The following HNRNPUL2 variants were observed in gnomAD, a reference collection of about 807,000 sequenced individuals.
The protein encoded by HNRNPUL2 is heterogeneous nuclear ribonucleoprotein U-like protein 2.
HNRNPUL2 carries 27 observed loss-of-function variants against 102.2 expected under a neutral mutation model. That is an observed-to-expected ratio of 0.26 (90% CI 0.19 to 0.36). HNRNPUL2 has a LOEUF of 0.36. Among genes scored for constraint, HNRNPUL2 ranks in the 10% least tolerant of loss-of-function variants. The probability of loss-of-function intolerance (pLI) is 1.00; values close to 1 mark genes in which losing one functional copy is unlikely to be tolerated. For missense variants in HNRNPUL2, 936 were observed against 981.1 expected, an observed-to-expected ratio of 0.95 and a Z score of 0.61; for synonymous variants, 458 against 387.2, an observed-to-expected ratio of 1.18 and a Z score of -2.15.
In HNRNPUL2 at chr11:62,712,754, T is replaced by C. The variant is rs2083629349; in HGVS notation, c.*2545A>G. On this transcript the variant is annotated 3_prime_UTR_variant, in exon 14 of 14. Transcript: ENST00000301785. ...AGATGTAAACAATGACACAGTTACA[T>C]TTTTTTTTTAAATGGTAAAACCCCT... 1 of 150,432 alleles carries C rather than the reference T, an allele frequency of 6.6e-6. No homozygotes were observed. Among genetic ancestry groups the C allele is most frequent in the Non-Finnish European group, 1.5e-5 (1 of 67,464 alleles). 9.3% of individuals were successfully genotyped at this position (150,432 alleles called of 1,614,324 possible).
chr11:62,721,187 C>T, intron 9 of HNRNPUL2, 108 bp downstream of exon 9: 3 of 1,061,192 alleles, frequency 2.8e-6, no homozygotes, highest in Non-Finnish European at 4.1e-6. Flanking sequence ...GCAACCATAA[C>T]ACACAACCAG....
chr11:62,714,453 T>A lies in HNRNPUL2; in HGVS notation c.*846A>T, dbSNP rs774559148. 1.3e-5 allele frequency: 2 copies of A among 152,226 alleles called. No homozygotes were observed. The highest frequency in any genetic ancestry group is 2.9e-5 in the Non-Finnish European group (2 of 68,058). The allele number at this position is 152,226 out of a possible 1,614,324, so 9.4% of individuals were successfully genotyped here. On this transcript the variant is annotated 3_prime_UTR_variant, in exon 14 of 14. Coordinates refer to ENST00000301785, the MANE Select transcript of HNRNPUL2 (RefSeq NM_001079559.3). ...ACCTTGGAAGACAGAGACTAGAGAC[T>A]GGCAAATCACAATCTTTAGGCTGAG...
rs956605132 is a variant in HNRNPUL2 at position 62,722,155 on chromosome 11, G to A, written c.1321C>T (p.Arg441Cys). Residue 441 changes from arginine to cysteine, a missense_variant, in exon 7 of 14, where the codon CGC becomes TGC. Coordinates refer to ENST00000301785, the MANE Select transcript of HNRNPUL2 (RefSeq NM_001079559.3). Reference protein sequence around the residue: ...IHAVPVEERVRTAVPPKTIEE... With the variant: ...IHAVPVEERVCTAVPPKTIEE... ...ATGGTCTTGGGAGGGACTGCAGTGC[G>A]TACACGCTCCTCAACAGGCACAGCA... 3.1e-6 allele frequency: 5 copies of A among 1,614,012 alleles called. No individual in the cohort carries two copies. The highest frequency in any genetic ancestry group is 1.1e-5 in the South Asian group (1 of 91,078).
In HNRNPUL2 at chr11:62,727,426, C is replaced by T. The variant is rs980950519; in HGVS notation, c.-270G>A. 6 of 332,320 alleles carry T rather than the reference C, an allele frequency of 1.8e-5. No homozygotes were observed. The highest frequency in any genetic ancestry group is 8.7e-4 in the Middle Eastern group (1 of 1,146). The allele number at this position is 332,320 out of a possible 1,614,324, so 20.6% of individuals were successfully genotyped here. On this transcript the variant is annotated 5_prime_UTR_variant, in exon 1 of 14. Transcript: ENST00000301785. ...GTTTCCCCTCCAGGCCCTTGGTTCC[C>T]CAGCCGCGGGCAGGCGCGCGCGGAG...
rs778185676 is a variant in HNRNPUL2, at chr11:62,721,328, A to C, written c.1578T>G (p.Ala526=). The change falls in exon 9 of 14, where the codon GCT becomes GCG. Residue 526 remains alanine, a synonymous_variant. Coordinates refer to ENST00000301785, the MANE Select transcript of HNRNPUL2 (RefSeq NM_001079559.3). ...SQCLSKLVQI[A]SRTKRNFILD... ...GAATAAAGTTCCTCTTTGTCCGGGA[A>C]GCAATCTGGACCAGCTTACTAAGGC... is the stretch of plus-strand genomic sequence containing the variant. The C allele has an allele frequency of 1.9e-6, 3 of 1,608,322 alleles. No individual in the cohort carries two copies. The highest frequency in any genetic ancestry group is 1.1e-5 in the South Asian group (1 of 89,476).
At chr11:62,719,377 G>C (rs542110628) in intron 10 of HNRNPUL2, among the ~76,000 whole-genome samples, 1 of 152,154 alleles carries the variant, frequency 6.6e-6, no homozygotes, top group Non-Finnish European at 1.5e-5. Flanking sequence ...CTTGAACCCA[G>C]GAGGTGGACG....
rs2083688994 is a variant in HNRNPUL2 at position 62,720,110 on chromosome 11, T to G, written c.1693A>C (p.Asn565His). Residue 565 changes from asparagine (N) to histidine (H), a missense_variant, in exon 10 of 14, where the codon AAT becomes CAT. Transcript: ENST00000301785. ...FSRKVVVVVPNEEDWKKRLEL... is the reference protein window; with the variant it reads ...FSRKVVVVVPHEEDWKKRLEL... Reference sequence around the variant, plus strand: ...AGCCTCTTCTTCCAATCTTCCTCATTAGGGACAACCACCACCACTTTCCGA... The same window carrying G: ...AGCCTCTTCTTCCAATCTTCCTCATGAGGGACAACCACCACCACTTTCCGA... 1 of 1,614,118 alleles carries G rather than the reference T, an allele frequency of 6.2e-7. No individual in the cohort carries two copies. Among genetic ancestry groups the G allele is most frequent in the East Asian group, 2.2e-5 (1 of 44,880 alleles).
Position 62,726,928 on chromosome 11 carries a change from C to T in HNRNPUL2, c.229G>A (p.Glu77Lys). Reference protein sequence around the residue: ...SGGGPGGDEEEDEEEEEEDEE... With the variant: ...SGGGPGGDEEKDEEEEEEDEE... ...TCCTCCTCCTCCTCCTCTTCGTCCT[C>T]CTCCTCGTCCCCGCCCGGGCCGCCG... Residue 77 changes from glutamate (E) to lysine (K), a missense_variant, in exon 1 of 14, where the codon GAG (glutamate) becomes AAG (lysine). Glu to Lys is a moderately conservative substitution (Grantham distance 56, BLOSUM62 1). Coordinates refer to ENST00000301785, the MANE Select transcript of HNRNPUL2 (RefSeq NM_001079559.3). 2.0e-6 allele frequency: 3 copies of T among 1,509,026 alleles called. No individual in the cohort carries two copies. The highest frequency in any genetic ancestry group is 1.2e-5 in the South Asian group (1 of 81,482). The allele number at this position is 1,509,026 out of a possible 1,614,324, so 93.5% of individuals were successfully genotyped here.
intron 12 of HNRNPUL2, 107 bp downstream of exon 12, chr11:62,715,757 G>C (rs1414872143): frequency 2.5e-6 from 3 of 1,196,174 alleles, no homozygotes; most frequent in Non-Finnish European, 3.7e-6. Flanking sequence ...ATATTAAATG[G>C]GCAAAACCCT....
At chr11:62,715,830 C>T (rs2083655983) in intron 12 of HNRNPUL2, 34 bp downstream of exon 12, 1 of 1,590,944 alleles carries the variant, frequency 6.3e-7, no homozygotes, top group African/African-American at 1.3e-5. Flanking sequence ...CTCTCACAGC[C>T]CAGAGTGAGG....
chr11:62,724,519 C>T, intron 1 of HNRNPUL2, 93 bp from the exon 2 acceptor site: 1 of 1,420,296 alleles, frequency 7.0e-7, no homozygotes, highest in South Asian at 1.2e-5. Context: ...ATCTGAGAAT[C>T]TGTCTGATCA....
In HNRNPUL2 at chr11:62,715,950, T is replaced by G. The variant is rs201075565; in HGVS notation, c.1982-13A>C. ...CGCTGCCCGCCCACTGGAAGAGAAA[T>G]GGAGAGCGCGCTCAGACAGCTGGCA... On this transcript the variant is annotated splice_polypyrimidine_tract_variant and intron_variant, in intron 11 of 13. Coordinates refer to ENST00000301785, the MANE Select transcript of HNRNPUL2 (RefSeq NM_001079559.3). 3.3e-5 allele frequency: 53 copies of G among 1,586,896 alleles called. No individual in the cohort carries two copies. The highest frequency in any genetic ancestry group is 4.4e-5 in the Non-Finnish European group (51 of 1,164,666).
chr11:62,719,995 G>A, intron 10 of HNRNPUL2, 28 bp downstream of exon 10: 2 of 1,589,388 alleles, frequency 1.3e-6, no homozygotes, highest in Non-Finnish European at 1.7e-6. Flanking sequence ...TTCTGTTATA[G>A]CAGCAGAAAA....
intron 10 of HNRNPUL2, 58 bp downstream of exon 10, chr11:62,719,965 A>T: frequency 1.3e-6 from 2 of 1,507,940 alleles, no homozygotes; most frequent in Non-Finnish European, 1.8e-6. Context: ...TATTACTTAC[A>T]AATTATGAAG....
chr11:62,721,897 C>T lies in HNRNPUL2; in HGVS notation c.1405G>A (p.Ala469Thr). 6.2e-7 allele frequency: 1 copy of T among 1,614,026 alleles called. No individual in the cohort carries two copies. Among genetic ancestry groups the T allele is most frequent in the South Asian group, 1.1e-5 (1 of 91,076 alleles). The change falls in exon 8 of 14, where the codon GCA (alanine) becomes ACA (threonine). Residue 469 changes from alanine to threonine, a missense_variant. Physicochemically the swap from Ala to Thr is moderately conservative, Grantham distance 58. This residue lies in a region of HNRNPUL2 where 609 missense variants were observed against 713.0 expected (regional missense o/e 0.85). Coordinates refer to ENST00000301785, the MANE Select transcript of HNRNPUL2 (RefSeq NM_001079559.3). ...GLPGSGKTQW[A>T]LKYAKENPEK... ...GGGTTTTCTTTTGCATATTTCAGTG[C>T]CCACTGGGTCTTTCCAGATCCGGGT...
rs1164716960 is a variant in HNRNPUL2 at position 62,720,013 on chromosome 11, A to C, written c.1780+10T>G. The stretch of plus-strand genomic sequence containing the variant: ...TGTTATAGCAGCAGAAAATGGACTA[A>C]GACACCCACCTTTCATCTCCAGCAT... On this transcript the variant is annotated intron_variant, in intron 10 of 13. Coordinates refer to ENST00000301785, the MANE Select transcript of HNRNPUL2 (RefSeq NM_001079559.3). The C allele has an allele frequency of 6.2e-7, 1 of 1,613,086 alleles. No individual in the cohort carries two copies. The highest frequency in any genetic ancestry group is 8.5e-7 in the Non-Finnish European group (1 of 1,179,208).
intron 10 of HNRNPUL2, among the ~76,000 whole-genome samples, chr11:62,719,204 C>A (rs2083682517): frequency 6.6e-6 from 1 of 152,182 alleles, no homozygotes. Flanking sequence ...AATCTAAGCA[C>A]TTTAGGAGAC....
intron 10 of HNRNPUL2, among the ~76,000 whole-genome samples, chr11:62,717,393 G>A (rs1314716552): frequency 6.6e-6 from 1 of 152,122 alleles, no homozygotes; most frequent in Non-Finnish European, 1.5e-5. Context: ...AACAGACCCA[G>A]GCAAAGGGCT....
At chr11:62,723,300 C>T (rs897085836) in intron 4 of HNRNPUL2, among the ~76,000 whole-genome samples, 4 of 152,042 alleles carry the variant, frequency 2.6e-5, no homozygotes, top group Non-Finnish European at 5.9e-5. Flanking sequence ...AAGACCAGCC[C>T]GACCAACATG....
Sources: allele counts gnomAD v4.1 joint callset (sites outside exome capture counted in the v4.1 genomes callset), GRCh38; gene constraint gnomAD v4.1.1; regional missense constraint gnomAD v4.1.1; transcripts MANE v1.5; gene names NCBI Gene and HGNC (gene_info 2026-07-23, HGNC 2026-07-21).